Variants in PCDHA4 observed in about 807,000 individuals in gnomAD.
The protein encoded by PCDHA4 is protocadherin alpha-4.
In PCDHA4, 49 loss-of-function variants were observed where a neutral mutation model predicts 61.4. The ratio of observed to expected loss-of-function variants is 0.80; its 90% CI spans 0.63 to 1.01. PCDHA4 has a LOEUF of 1.01. PCDHA4 is among the 50% of genes least tolerant of loss of function. The probability of loss-of-function intolerance (pLI) is 0.00; values close to 1 mark genes in which losing one functional copy is unlikely to be tolerated. For missense variants in PCDHA4, 1,254 were observed against 1,235.8 expected, an observed-to-expected ratio of 1.01 and a Z score of -0.22; for synonymous variants, 590 against 550.3, an observed-to-expected ratio of 1.07 and a Z score of -1.01.
intron 1 of PCDHA4, among the ~76,000 whole-genome samples, chr5:140,874,668 A>G (rs1424174427): frequency 6.6e-6 from 1 of 152,238 alleles, no homozygotes; most frequent in African/African-American, 2.4e-5. Context: ...TCCAGAATCT[A>G]TTCCTGAGAT....
rs2150352626 is a variant in PCDHA4, at chr5:140,843,105, G to T, written c.2385+33533G>T. On this transcript the variant is annotated intron_variant, in intron 1 of 3. Coordinates refer to ENST00000530339, the MANE Select transcript of PCDHA4 (RefSeq NM_018907.4). ...GCGGGCCACGTGGTAGCGAAGGTGC[G>T]CGCAGTGGACGCCGACTCGGGCTAC... 11 of 1,595,772 alleles carry T rather than the reference G, an allele frequency of 6.9e-6. 2 individuals carry two copies. Among genetic ancestry groups the T allele is most frequent in the Non-Finnish European group, 9.4e-6 (11 of 1,165,508 alleles).
chr5:140,928,452 G>A (rs1284379241), intron 1 of PCDHA4: 1 of 1,614,008 alleles, frequency 6.2e-7, no homozygotes, highest in Non-Finnish European at 8.5e-7. Flanking sequence ...AGCTCAGGGG[G>A]TTTCATTTCC....
chr5:141,001,229 A>G (rs1055246744), intron 3 of PCDHA4, among the ~76,000 whole-genome samples: 41 of 152,314 alleles, frequency 2.7e-4, no homozygotes, highest in African/African-American at 9.1e-4. Flanking sequence ...AGTTACATTT[A>G]ATCTATAAAT....
intron 1 of PCDHA4, among the ~76,000 whole-genome samples, chr5:140,943,772 T>G (rs371770047): frequency 2.9e-4 from 44 of 152,232 alleles, no homozygotes; most frequent in African/African-American, 6.7e-4. Context: ...GGAAAAAAAC[T>G]AGGAAGTGGT....
At chr5:140,823,307 C>G in intron 1 of PCDHA4, 1 of 1,612,266 alleles carries the variant, frequency 6.2e-7, no homozygotes, top group Non-Finnish European at 8.5e-7. Context: ...TCGGTGCACG[C>G]GGAGAGCGGC....
chr5:140,823,168 G>A (rs2150123028), intron 1 of PCDHA4: 46 of 1,613,838 alleles, frequency 2.9e-5, no homozygotes, highest in Non-Finnish European at 3.7e-5. Flanking sequence ...GTTCGTGAAG[G>A]AGAACAACCC....
intron 1 of PCDHA4, among the ~76,000 whole-genome samples, chr5:140,855,047 T>C (rs1426970366): frequency 1.3e-5 from 2 of 149,978 alleles, no homozygotes; most frequent in African/African-American, 2.4e-5. Flanking sequence ...TCTGTAATAG[T>C]ACTTTTCTGT....
Position 140,927,804 on chromosome 5 carries a change from G to T in PCDHA4, c.2386-51145G>T, listed in dbSNP as rs112037348. The T allele has an allele frequency of 8.3e-4, 1,346 of 1,614,160 alleles. 11 individuals carry two copies. The African/African-American group carries it at 0.015, about 18-fold the overall frequency. On this transcript the variant is annotated intron_variant, in intron 1 of 3. Coordinates refer to ENST00000530339, the MANE Select transcript of PCDHA4 (RefSeq NM_018907.4). Reference sequence around the variant, plus strand: ...CTGCTTCACTAGGTCCGCCTGAAACGCTCTTGGAGGCATACATTGAGGCGA... The same window carrying T: ...CTGCTTCACTAGGTCCGCCTGAAACTCTCTTGGAGGCATACATTGAGGCGA...
intron 1 of PCDHA4, among the ~76,000 whole-genome samples, chr5:140,910,128 T>C (rs2074896985): frequency 6.6e-6 from 1 of 152,238 alleles, no homozygotes; most frequent in African/African-American, 2.4e-5. Flanking sequence ...GTCTGTAAAC[T>C]GGTTTAAGTC....
intron 3 of PCDHA4, among the ~76,000 whole-genome samples, chr5:141,000,395 CTATATATATA>C (rs1190667031): frequency 1.9e-5 from 1 of 53,986 alleles, no homozygotes; most frequent in Non-Finnish European, 3.2e-5. Context: ...CTCTCTCTCT[CTATATATATA>C]TATATATATA....
chr5:140,892,596 T>C (rs143701120), intron 1 of PCDHA4, among the ~76,000 whole-genome samples: 79 of 152,254 alleles, frequency 5.2e-4, no homozygotes, highest in African/African-American at 1.4e-3. Flanking sequence ...CATTCACCTA[T>C]TTTTTTCCTT....
intron 1 of PCDHA4, among the ~76,000 whole-genome samples, chr5:140,897,659 G>A: frequency 6.6e-6 from 1 of 152,230 alleles, no homozygotes; most frequent in South Asian, 2.1e-4. Flanking sequence ...ACGTGTGCAT[G>A]TGTCTTTATA....
chr5:140,831,360 GTA>G (rs1292764909), intron 1 of PCDHA4: 3 of 103,666 alleles, frequency 2.9e-5, no homozygotes, highest in African/African-American at 1.2e-4. Flanking sequence ...TCACTATTTT[GTA>G]TGTGTGTGTG....
chr5:140,850,365 G>T (rs2150481125), intron 1 of PCDHA4: 4 of 1,597,962 alleles, frequency 2.5e-6, no homozygotes, highest in Middle Eastern at 1.7e-4. Flanking sequence ...CCCGTTCCGC[G>T]TGGGGCTGTA....
At chr5:140,832,679 G>A (rs1212097069) in intron 1 of PCDHA4, among the ~76,000 whole-genome samples, 3 of 152,094 alleles carry the variant, frequency 2.0e-5, no homozygotes, top group Non-Finnish European at 4.4e-5. Context: ...GAGAATCATC[G>A]AATTAACAAG....
rs138591837 is a variant in PCDHA4 at position 140,843,301 on chromosome 5, C to T, written c.2385+33729C>T. The T allele has an allele frequency of 6.3e-6, 10 of 1,595,850 alleles. 1 individual carries two copies. The African/African-American group carries it at 6.7e-5, about 11-fold the overall frequency. On this transcript the variant is annotated intron_variant, in intron 1 of 3. Transcript: ENST00000530339. The stretch of plus-strand genomic sequence containing the variant: ...AGGATCATGGTGAACCTGCGCTGAC[C>T]GCCACGGCCACGGTTCTGGTGTCGC...
intron 1 of PCDHA4, chr5:140,830,214 C>G (rs2150182827): frequency 2.5e-6 from 4 of 1,613,730 alleles, no homozygotes; most frequent in Non-Finnish European, 3.4e-6. Flanking sequence ...TGCGCGGTAT[C>G]CAGCCTGCTG....
chr5:140,849,999 C>G lies in PCDHA4; in HGVS notation c.2385+40427C>G, dbSNP rs1554143600. The G allele has an allele frequency of 3.1e-6, 5 of 1,596,930 alleles. No individual in the cohort carries two copies. In the African/African-American group the frequency reaches 5.4e-5, roughly 17 times the overall value. The stretch of plus-strand genomic sequence containing the variant: ...GCTGGTGGAGCGGCGGTTGGGCGAG[C>G]GCTCGCTGTCGAGCTACGTGTCAGT... On this transcript the variant is annotated intron_variant, in intron 1 of 3. Coordinates refer to ENST00000530339, the MANE Select transcript of PCDHA4 (RefSeq NM_018907.4).
intron 1 of PCDHA4, chr5:140,828,655 C>A (rs1769872389): frequency 6.2e-7 from 1 of 1,614,110 alleles, no homozygotes; most frequent in Non-Finnish European, 8.5e-7. Context: ...ACAGTGATGA[C>A]AATAAACAAA....
Sources: gnomAD v4.1 joint callset for allele counts (sites outside exome capture counted in the v4.1 genomes callset) on GRCh38, gnomAD v4.1.1 for gene constraint, MANE v1.5 for transcripts, NCBI Gene and HGNC (gene_info 2026-07-23, HGNC 2026-07-21) for gene names.